CSMD1: variants seen among roughly 807,000 people sequenced by gnomAD.
CSMD1 encodes CUB and Sushi multiple domains 1.
CSMD1 carries 213 observed loss-of-function variants against 417.5 expected under a neutral mutation model. The ratio of observed to expected loss-of-function variants is 0.51; its 90% CI spans 0.46 to 0.57. The LOEUF (loss-of-function observed/expected upper bound fraction) is 0.57, where lower values mean the gene tolerates loss of function less well. Ranked by LOEUF, CSMD1 falls within the 20% of genes least tolerant of loss-of-function variation. The pLI, the probability that CSMD1 is intolerant of heterozygous loss-of-function variation, is 0.00. For missense variants in CSMD1, 6,923 were observed against 4,529.7 expected (o/e 1.53, Z -15.17); for synonymous variants, 2,862 against 1,736.8 (o/e 1.65, Z -16.11).
At chr8:4,808,500 A>T (rs1262938091) in intron 1 of CSMD1, among the ~76,000 whole-genome samples, 1 of 152,212 alleles carries the variant, frequency 6.6e-6, no homozygotes, top group Non-Finnish European at 1.5e-5. Flanking sequence ...CATAGTGAAT[A>T]AAACACATCC....
intron 5 of CSMD1, among the ~76,000 whole-genome samples, chr8:3,960,595 T>A (rs1449611516): frequency 2.6e-5 from 4 of 152,172 alleles, no homozygotes; most frequent in Non-Finnish European, 5.9e-5. Context: ...AAAAAAGTTA[T>A]TTTAAATATT....
intron 1 of CSMD1, among the ~76,000 whole-genome samples, chr8:4,685,685 A>C (rs955565560): frequency 6.6e-6 from 1 of 152,362 alleles, no homozygotes; most frequent in East Asian, 1.9e-4. Context: ...TAAATTTGAA[A>C]ATTGAGTACA....
rs1288883990 is a variant in CSMD1, at chr8:3,182,678, T to TGTGC, written c.5621-1465_5621-1464insGCAC. Among the ~76,000 whole-genome samples the TGTGC allele has an allele frequency of 8.9e-4, 104 of 117,240 alleles. 4 individuals carry two copies. Among genetic ancestry groups the TGTGC allele is most frequent in the African/African-American group, 3.1e-3 (101 of 33,004 alleles). The allele number at this position is 117,240 out of a possible 152,430, so 76.9% of individuals were successfully genotyped here. Reference sequence around the variant, plus strand: ...GACTCTGGCTGTCTATAAGAAGCTGTGTGTGTGTGTGTGTGTATGTGTGTG... The same window carrying TGTGC: ...GACTCTGGCTGTCTATAAGAAGCTGTGTGCGTGTGTGTGTGTGTGTATGTGTGTG... On this transcript the variant is annotated intron_variant, in intron 36 of 69. Coordinates refer to ENST00000635120, the MANE Select transcript of CSMD1 (RefSeq NM_033225.6).
chr8:4,236,026 G>GTTTTTTTTTTTTTTTTTTT (rs147378202), intron 3 of CSMD1, among the ~76,000 whole-genome samples: 3 of 108,086 alleles, frequency 2.8e-5, no homozygotes, highest in African/African-American at 1.3e-4. Flanking sequence ...AATGGATATT[G>GTTTTTTTTTTTTTTTTTTT]TTTTTTTTGT....
intron 3 of CSMD1, among the ~76,000 whole-genome samples, chr8:4,123,664 A>G (rs1038631004): frequency 1.3e-5 from 2 of 152,236 alleles, no homozygotes; most frequent in Admixed American, 1.3e-4. Flanking sequence ...TAACACTCTT[A>G]AAGTGGGAAA....
intron 12 of CSMD1, among the ~76,000 whole-genome samples, chr8:3,454,426 G>T (rs2117120944): frequency 6.6e-6 from 1 of 152,286 alleles, no homozygotes; most frequent in South Asian, 2.1e-4. Context: ...TTCACAATTT[G>T]GCATGTTTTT....
chr8:4,584,619 G>A (rs1334943933), intron 2 of CSMD1, among the ~76,000 whole-genome samples: 1 of 152,072 alleles, frequency 6.6e-6, no homozygotes, highest in African/African-American at 2.4e-5. Flanking sequence ...AAGCCATGCA[G>A]CTCCGGGGTC....
intron 10 of CSMD1, among the ~76,000 whole-genome samples, chr8:3,545,294 G>C (rs922793): frequency 0.39 from 59,430 of 152,032 alleles, 12,012 homozygotes; most frequent in East Asian, 0.47. Flanking sequence ...GATTTTCAAA[G>C]TTGCTTTTAT....
Position 3,451,431 on chromosome 8 carries a change from G to C in CSMD1, c.1561+17281C>G, listed in dbSNP as rs534288237. On this transcript the variant is annotated intron_variant, in intron 12 of 69. Coordinates refer to ENST00000635120, the MANE Select transcript of CSMD1 (RefSeq NM_033225.6). ...ATGGTATTGCCTAGGTGTTCTTCTAGGGTTTTTATGGTTTTAGGGCTAACA... is the reference window on the plus strand; with the variant it reads ...ATGGTATTGCCTAGGTGTTCTTCTACGGTTTTTATGGTTTTAGGGCTAACA... Among the ~76,000 whole-genome samples, 352 of 152,276 alleles carry C rather than the reference G, an allele frequency of 2.3e-3. 1 individual carries two copies. The highest frequency in any genetic ancestry group is 8.3e-3 in the African/African-American group (343 of 41,552).
rs73507907 is a variant in CSMD1 at position 4,908,863 on chromosome 8, A to T, written c.85+85469T>A. The stretch of plus-strand genomic sequence containing the variant: ...TCATACTCACTTAAAATATCTGATA[A>T]ATCATAATTGTTCTAAATTCCCTGA... On this transcript the variant is annotated intron_variant, in intron 1 of 69. Coordinates refer to ENST00000635120, the MANE Select transcript of CSMD1 (RefSeq NM_033225.6). Among the ~76,000 whole-genome samples, 439 of 152,262 alleles carry T rather than the reference A, an allele frequency of 2.9e-3. 3 individuals are homozygous for T. Among genetic ancestry groups the T allele is most frequent in the African/African-American group, 0.01 (422 of 41,550 alleles).
chr8:4,061,055 T>G (rs1219593415), intron 3 of CSMD1, among the ~76,000 whole-genome samples: 8 of 58,992 alleles, frequency 1.4e-4, no homozygotes, highest in Admixed American at 5.2e-4. Flanking sequence ...ATGTACAAAA[T>G]GCCATCTACA....
chr8:3,223,715 G>A lies in CSMD1; in HGVS notation c.4484+14C>T, dbSNP rs1798337882. 7 of 1,613,084 alleles carry A rather than the reference G, an allele frequency of 4.3e-6. No homozygotes were observed. In the East Asian group the frequency reaches 1.3e-4, roughly 31 times the overall value. ...AAATCCTACTAAAAAGAGGTATTCT[G>A]CAAGAGACGGTACCTTTTGAATATC... is the stretch of plus-strand genomic sequence containing the variant. On this transcript the variant is annotated intron_variant, in intron 28 of 69. Transcript: ENST00000635120.
intron 3 of CSMD1, among the ~76,000 whole-genome samples, chr8:4,272,943 T>C (rs1298739510): frequency 1.3e-5 from 2 of 152,172 alleles, no homozygotes; most frequent in East Asian, 1.9e-4. Flanking sequence ...GAAAGGAAAT[T>C]AGTTCACAAT....
intron 23 of CSMD1, among the ~76,000 whole-genome samples, chr8:3,317,764 G>A (rs147671088): frequency 2.0e-5 from 3 of 152,140 alleles, no homozygotes; most frequent in Admixed American, 1.3e-4. Flanking sequence ...TAAATTTTGT[G>A]TTTAGTAAAA....
intron 3 of CSMD1, among the ~76,000 whole-genome samples, chr8:4,227,291 T>C (rs971485842): frequency 3.9e-5 from 6 of 152,172 alleles, no homozygotes; most frequent in African/African-American, 1.4e-4. Context: ...CCCCTCGGTC[T>C]GCCTTGGGGG....
At chr8:3,241,547 C>T (rs1352374260) in intron 26 of CSMD1, among the ~76,000 whole-genome samples, 2 of 152,150 alleles carry the variant, frequency 1.3e-5, no homozygotes, top group African/African-American at 4.8e-5. Flanking sequence ...GTTCCAGGGG[C>T]TCTGGGAGTG....
intron 3 of CSMD1, among the ~76,000 whole-genome samples, chr8:4,229,990 G>A (rs899277473): frequency 1.3e-5 from 2 of 152,120 alleles, no homozygotes; most frequent in Non-Finnish European, 2.9e-5. Flanking sequence ...TAACACTTAA[G>A]TCTGTAATAA....
intron 3 of CSMD1, among the ~76,000 whole-genome samples, chr8:4,084,039 C>A (rs950937365): frequency 6.6e-6 from 1 of 151,994 alleles, no homozygotes; most frequent in East Asian, 1.9e-4. Context: ...CAAAAAAACC[C>A]TTTTAAAATT....
At chr8:3,962,904 T>C (rs566079452) in intron 5 of CSMD1, among the ~76,000 whole-genome samples, 7 of 152,194 alleles carry the variant, frequency 4.6e-5, no homozygotes, top group Non-Finnish European at 1.0e-4. Context: ...TATCATTATG[T>C]CTATTTTTTC....
Sources: allele counts gnomAD v4.1 joint callset (sites outside exome capture counted in the v4.1 genomes callset), GRCh38; gene constraint gnomAD v4.1.1; transcripts MANE v1.5; gene names NCBI Gene and HGNC (gene_info 2026-07-23, HGNC 2026-07-21).